The following MPDZ variants were observed in gnomAD, a reference collection of about 807,000 sequenced individuals.
MPDZ encodes multiple PDZ domain protein.
MPDZ carries 234 observed loss-of-function variants against 239.1 expected under a neutral mutation model. The ratio of observed to expected loss-of-function variants is 0.98; its 90% CI spans 0.88 to 1.09. MPDZ has a LOEUF of 1.09. Among genes scored for constraint, MPDZ ranks in the 50% least tolerant of loss-of-function variants. MPDZ has a pLI of 0.00. For synonymous variants in MPDZ, 1,048 were observed against 881.3 expected, an observed-to-expected ratio of 1.19 and a Z score of -3.35; for missense variants, 3,175 against 2,510.0, an observed-to-expected ratio of 1.26 and a Z score of -5.66.
At chr9:13,112,354 AT>A (rs1182387244) in intron 42 of MPDZ, among the ~76,000 whole-genome samples, 5 of 152,338 alleles carry the variant, frequency 3.3e-5, no homozygotes, top group African/African-American at 9.6e-5. Flanking sequence ...AGTAAAATAA[AT>A]CAAGACATGC....
In MPDZ at chr9:13,191,860, C is replaced by T. The variant is rs1327062678; in HGVS notation, c.1968+271G>A. The stretch of plus-strand genomic sequence containing the variant: ...ACATGATTACATAACCTTATTTAAC[C>T]TTCAGGGCAACTTTTTGAGACAAGC... On this transcript the variant is annotated intron_variant, in intron 15 of 46. Transcript: ENST00000319217. 3.9e-5 allele frequency among the ~76,000 whole-genome samples: 6 copies of T among 151,908 alleles called. No homozygotes were observed. In the East Asian group the frequency reaches 1.2e-3, roughly 29 times the overall value.
At chr9:13,125,616 C>G (rs1260986142) in intron 34 of MPDZ, among the ~76,000 whole-genome samples, 1 of 152,168 alleles carries the variant, frequency 6.6e-6, no homozygotes, top group East Asian at 1.9e-4. Context: ...AATTTCTACT[C>G]TAAGTCTAGC....
Position 13,127,146 on chromosome 9 carries a change from T to A in MPDZ, c.4465-374A>T, listed in dbSNP as rs144081525. ...TCAAAACCAACCAAAGAATCCCGCT[T>A]CTTCTCTGGCCTGTCGCTTGGAAAT... On this transcript the variant is annotated intron_variant, in intron 32 of 46. Transcript: ENST00000319217. 8.3e-4 allele frequency among the ~76,000 whole-genome samples: 127 copies of A among 152,332 alleles called. 1 individual carries two copies. Among genetic ancestry groups the A allele is most frequent in the African/African-American group, 2.5e-3 (106 of 41,572 alleles).
At chr9:13,112,329 A>G (rs1460534792) in intron 42 of MPDZ, among the ~76,000 whole-genome samples, 183 bp from the exon 43 acceptor site, 1 of 152,200 alleles carries the variant, frequency 6.6e-6, no homozygotes, top group East Asian at 1.9e-4. Context: ...TAGGAAAATA[A>G]GCATCTGTTC....
chr9:13,185,983 A>T (rs1954042010), intron 18 of MPDZ, among the ~76,000 whole-genome samples: 4 of 152,146 alleles, frequency 2.6e-5, no homozygotes. Context: ...CTAAGCGTGA[A>T]ATTGGAGCAA....
intron 8 of MPDZ, among the ~76,000 whole-genome samples, chr9:13,217,521 TC>T (rs1958505779): frequency 6.6e-6 from 1 of 151,872 alleles, no homozygotes; most frequent in Non-Finnish European, 1.5e-5. Context: ...GGTTGAACCT[TC>T]CCTTATCAGA....
At chr9:13,200,416 C>T (rs529736820) in intron 12 of MPDZ, among the ~76,000 whole-genome samples, 1 of 151,902 alleles carries the variant, frequency 6.6e-6, no homozygotes, top group East Asian at 1.9e-4. Context: ...TTTGTATTTT[C>T]GTCTCAATTT....
At chr9:13,184,749 T>C (rs1953861683) in intron 18 of MPDZ, among the ~76,000 whole-genome samples, 1 of 152,020 alleles carries the variant, frequency 6.6e-6, no homozygotes, top group African/African-American at 2.4e-5. Flanking sequence ...TTTGTATGTA[T>C]ATTGCTGATA....
At chr9:13,209,701 CA>C (rs1424848412) in intron 10 of MPDZ, among the ~76,000 whole-genome samples, 1 of 152,114 alleles carries the variant, frequency 6.6e-6, no homozygotes, top group Non-Finnish European at 1.5e-5. Context: ...AAATAGTTCA[CA>C]TTTCCTTGTA....
chr9:13,149,407 A>G (rs1258161898), intron 25 of MPDZ, among the ~76,000 whole-genome samples: 1 of 152,056 alleles, frequency 6.6e-6, no homozygotes, highest in East Asian at 1.9e-4. Context: ...TAAAGTAAAT[A>G]TAATGGTCAT....
At chr9:13,216,624 T>C (rs1317225967) in intron 10 of MPDZ, 150 bp downstream of exon 10, 3 of 532,802 alleles carry the variant, frequency 5.6e-6, no homozygotes, top group Non-Finnish European at 9.8e-6. Flanking sequence ...CACAAAATAA[T>C]AGAAAGGGTA....
intron 27 of MPDZ, among the ~76,000 whole-genome samples, chr9:13,142,938 T>C (rs1049946197): frequency 1.3e-5 from 2 of 152,112 alleles, no homozygotes; most frequent in Non-Finnish European, 2.9e-5. Context: ...GATCCAAGTA[T>C]AGATTTACGA....
chr9:13,168,479 C>A lies in MPDZ; in HGVS notation c.3141G>T (p.Arg1047=). 6.2e-7 allele frequency: 1 copy of A among 1,613,482 alleles called. No homozygotes were observed. The highest frequency in any genetic ancestry group is 8.5e-7 in the Non-Finnish European group (1 of 1,179,582). ...ACAAGATGCAGTCCCCAATGGCAATCCGGCCATCTCGACTAATGGCACCTC... is the reference window on the plus strand; with the variant it reads ...ACAAGATGCAGTCCCCAATGGCAATACGGCCATCTCGACTAATGGCACCTC... ...IHGGAISRDG[R]IAIGDCILSI... The change falls in exon 22 of 47, where the codon CGG becomes CGT. Residue 1047 remains arginine (R), a synonymous_variant. Coordinates refer to ENST00000319217, the MANE Select transcript of MPDZ (RefSeq NM_001378778.1).
At position 13,160,427 on chromosome 9, in the gene MPDZ, T is replaced by C. The variant is rs183786983; in HGVS notation, c.3359+2264A>G. Among the ~76,000 whole-genome samples, 182 of 152,248 alleles carry C rather than the reference T, an allele frequency of 1.2e-3. 3 individuals carry two copies. The highest frequency in any genetic ancestry group is 4.0e-3 in the African/African-American group (167 of 41,546). On this transcript the variant is annotated intron_variant, in intron 23 of 46. Transcript: ENST00000319217. ...ATCCAGGCCATCCTCTTGTCTGTGC[T>C]TGGAGGAAGCACAGTGCTCAAAGTG...
chr9:13,111,515 G>C (rs550725691), intron 43 of MPDZ, among the ~76,000 whole-genome samples: 12 of 152,266 alleles, frequency 7.9e-5, no homozygotes, highest in Non-Finnish European at 1.8e-4. Context: ...TGGGCAGTTG[G>C]CATAAATTCC....
chr9:13,119,595 G>C lies in MPDZ; in HGVS notation c.5286C>G (p.Ala1762=), dbSNP rs377105342. ...SDIVKGGIAD[A]DGRLMQGDQI... ...GGTCTCCCTGCATCAGTCTTCCATC[G>C]GCATCTGCAATTCCTCCTTTGACAA... Residue 1762 remains alanine, a synonymous_variant, in exon 39 of 47, where the codon GCC becomes GCG. Coordinates refer to ENST00000319217, the MANE Select transcript of MPDZ (RefSeq NM_001378778.1). 1 of 1,613,664 alleles carries C rather than the reference G, an allele frequency of 6.2e-7. No homozygotes were observed. Among genetic ancestry groups the C allele is most frequent in the Non-Finnish European group, 8.5e-7 (1 of 1,179,856 alleles).
intron 22 of MPDZ, chr9:13,165,217 T>TA: frequency 1.3e-6 from 1 of 756,648 alleles, no homozygotes. Flanking sequence ...TTTATGTTCT[T>TA]ACTTAAACAA....
In MPDZ at chr9:13,224,361, G is replaced by C. The variant is rs771112239; in HGVS notation, c.393+13C>G. 3.1e-6 allele frequency: 5 copies of C among 1,598,230 alleles called. No individual in the cohort carries two copies. The highest frequency in any genetic ancestry group is 1.7e-4 in the Middle Eastern group (1 of 5,980). ...CAGGTATTACAATAACTAACAGAAAGAAATGTTCTTACCTGGGCCATATTT... is the reference window on the plus strand; with the variant it reads ...CAGGTATTACAATAACTAACAGAAACAAATGTTCTTACCTGGGCCATATTT... On this transcript the variant is annotated intron_variant, in intron 4 of 46. Coordinates refer to ENST00000319217, the MANE Select transcript of MPDZ (RefSeq NM_001378778.1).
chr9:13,138,315 A>T (rs760940238), intron 28 of MPDZ, among the ~76,000 whole-genome samples, 162 bp from the exon 29 acceptor site: 7 of 152,194 alleles, frequency 4.6e-5, no homozygotes, highest in Non-Finnish European at 1.0e-4. Context: ...GGGCATCAGG[A>T]CTGGTTTCCT....
Sources: gnomAD v4.1 joint callset for allele counts (sites outside exome capture counted in the v4.1 genomes callset) on GRCh38, gnomAD v4.1.1 for gene constraint, MANE v1.5 for transcripts, NCBI Gene and HGNC (gene_info 2026-07-23, HGNC 2026-07-21) for gene names.